Variants in ELAVL2 observed in about 807,000 individuals in gnomAD.
ELAVL2 encodes ELAV like RNA binding protein 2.
ELAVL2 carries 4 observed loss-of-function variants against 34.6 expected under a neutral mutation model. The ratio of observed to expected loss-of-function variants is 0.12; its 90% CI spans 0.06 to 0.26. ELAVL2 has a LOEUF of 0.26. Among genes scored for constraint, ELAVL2 ranks in the 10% least tolerant of loss-of-function variants. The probability of loss-of-function intolerance (pLI) is 1.00; values close to 1 mark genes in which losing one functional copy is unlikely to be tolerated. For missense variants in ELAVL2, 432 were observed against 442.8 expected, an observed-to-expected ratio of 0.98 and a Z score of 0.22; for synonymous variants, 193 against 154.8, an observed-to-expected ratio of 1.25 and a Z score of -1.83.
intron 3 of ELAVL2, among the ~76,000 whole-genome samples, chr9:23,708,389 C>G (rs2039992247): frequency 6.6e-6 from 1 of 152,146 alleles, no homozygotes; most frequent in African/African-American, 2.4e-5. Context: ...CAGGCACAGA[C>G]AAGGTAAATA....
At chr9:23,780,027 A>C (rs1345507361) in intron 1 of ELAVL2, among the ~76,000 whole-genome samples, 3 of 106,154 alleles carry the variant, frequency 2.8e-5, no homozygotes, top group African/African-American at 3.8e-5. Context: ...AAAAAAAAAA[A>C]AAAAAAACTT....
intron 2 of ELAVL2, among the ~76,000 whole-genome samples, chr9:23,735,877 G>C (rs1396631868): frequency 6.6e-6 from 1 of 152,130 alleles, no homozygotes. Context: ...GCAGGGTTCA[G>C]AGCAAGGAGA....
intron 3 of ELAVL2, among the ~76,000 whole-genome samples, chr9:23,727,382 T>C (rs2045489491): frequency 6.6e-6 from 1 of 152,136 alleles, no homozygotes; most frequent in Non-Finnish European, 1.5e-5. Flanking sequence ...TGAACCACGT[T>C]GAACTCTGAA....
At chr9:23,693,680 G>A (rs1450615531) in intron 5 of ELAVL2, among the ~76,000 whole-genome samples, 194 bp from the exon 6 acceptor site, 1 of 152,152 alleles carries the variant, frequency 6.6e-6, no homozygotes, top group African/African-American at 2.4e-5. Context: ...TCCAATGAAT[G>A]GTTTCTCTCT....
At chr9:23,789,791 A>G (rs991166526) in intron 1 of ELAVL2, among the ~76,000 whole-genome samples, 3 of 152,072 alleles carry the variant, frequency 2.0e-5, no homozygotes, top group Non-Finnish European at 2.9e-5. Flanking sequence ...AGAGGAAAAC[A>G]GTATGGTTGC....
chr9:23,696,683 G>T (rs2035362634), intron 5 of ELAVL2, among the ~76,000 whole-genome samples: 1 of 151,932 alleles, frequency 6.6e-6, no homozygotes, highest in African/African-American at 2.4e-5. Flanking sequence ...ATTTAGCCAT[G>T]ATGGTCTCGA....
chr9:23,706,144 T>C (rs1386059161), intron 3 of ELAVL2, among the ~76,000 whole-genome samples: 1 of 152,204 alleles, frequency 6.6e-6, no homozygotes, highest in Non-Finnish European at 1.5e-5. Flanking sequence ...TAAGTCCCTA[T>C]AATTAACTTT....
chr9:23,714,165 A>T (rs1199459869), intron 3 of ELAVL2, among the ~76,000 whole-genome samples: 1 of 152,178 alleles, frequency 6.6e-6, no homozygotes, highest in Non-Finnish European at 1.5e-5. Flanking sequence ...GATATGTAAC[A>T]TATGTTAATT....
At chr9:23,792,636 G>C (rs2060456222) in intron 1 of ELAVL2, among the ~76,000 whole-genome samples, 1 of 152,152 alleles carries the variant, frequency 6.6e-6, no homozygotes, top group African/African-American at 2.4e-5. Context: ...CTTCATTTAA[G>C]GGCCTTTTTA....
chr9:23,824,284 T>C (rs1252438184), intron 1 of ELAVL2, among the ~76,000 whole-genome samples: 2 of 152,110 alleles, frequency 1.3e-5, no homozygotes, highest in African/African-American at 4.8e-5. Context: ...AGACGTGAAA[T>C]AGGTGGGTAC....
intron 3 of ELAVL2, among the ~76,000 whole-genome samples, chr9:23,717,439 A>T (rs768449596): frequency 1.8e-4 from 28 of 152,328 alleles, no homozygotes; most frequent in Non-Finnish European, 3.5e-4. Flanking sequence ...GGCTAGGTTT[A>T]ATCAAATTTT....
the ELAVL2 span, among the ~76,000 whole-genome samples, chr9:23,849,257 T>C: frequency 4.6e-5 from 7 of 152,094 alleles, no homozygotes; most frequent in Admixed American, 6.5e-5. Flanking sequence ...GTGGGATGAA[T>C]GGGAAGAGGG....
At chr9:23,809,905 T>C (rs575134685) in intron 1 of ELAVL2, among the ~76,000 whole-genome samples, 1 of 152,310 alleles carries the variant, frequency 6.6e-6, no homozygotes, top group South Asian at 2.1e-4. Context: ...TCAAGAACAA[T>C]CTTTACTGGG....
At chr9:23,783,161 C>T (rs2059282749) in intron 1 of ELAVL2, among the ~76,000 whole-genome samples, 1 of 141,852 alleles carries the variant, frequency 7.0e-6, no homozygotes, top group Non-Finnish European at 1.5e-5. Flanking sequence ...AAACTCTACT[C>T]TCCGGAGGCG....
At chr9:23,801,571 T>G (rs1361433035) in intron 1 of ELAVL2, among the ~76,000 whole-genome samples, 1 of 152,192 alleles carries the variant, frequency 6.6e-6, no homozygotes, top group Non-Finnish European at 1.5e-5. Context: ...GCTAAGGGAC[T>G]TTAGTTTTAA....
At chr9:23,762,387 ATACC>A in intron 1 of ELAVL2, 138 bp from the exon 2 acceptor site, 1 of 1,073,060 alleles carries the variant, frequency 9.3e-7, no homozygotes, top group South Asian at 1.6e-5. Flanking sequence ...AAAAAGTGTA[ATACC>A]TACACTAATT....
intron 1 of ELAVL2, chr9:23,765,176 A>C (rs1180018504): frequency 1.5e-6 from 2 of 1,362,972 alleles, no homozygotes; most frequent in South Asian, 2.7e-5. Flanking sequence ...CAAAATTTAC[A>C]GTGATTGTAT....
Position 23,762,040 on chromosome 9 carries a change from T to G in ELAVL2, c.195A>C (p.Ile65=). Residue 65 remains isoleucine (I), a synonymous_variant, in exon 2 of 7, where the codon ATA becomes ATC. Transcript: ENST00000397312. ...TGTCTCTTACAAGCTTACAGGACTC[T>G]ATTTCACCAATGCTCCCAAAGAGAC... ...LKSLFGSIGE[I]ESCKLVRDKI... is the part of the protein sequence containing the mutation. 2 of 1,613,220 alleles carry G rather than the reference T, an allele frequency of 1.2e-6. No individual in the cohort carries two copies. Among genetic ancestry groups the G allele is most frequent in the Non-Finnish European group, 8.5e-7 (1 of 1,179,434 alleles).
At chr9:23,803,500 C>G (rs1011000945) in intron 1 of ELAVL2, among the ~76,000 whole-genome samples, 2 of 152,160 alleles carry the variant, frequency 1.3e-5, no homozygotes, top group Non-Finnish European at 2.9e-5. Context: ...TCTCAAAGCC[C>G]TGGTGCGTTC....
Sources: allele counts gnomAD v4.1 joint callset (sites outside exome capture counted in the v4.1 genomes callset), GRCh38; gene constraint gnomAD v4.1.1; transcripts MANE v1.5; gene names NCBI Gene and HGNC (gene_info 2026-07-23, HGNC 2026-07-21).